The following TAFA1 variants were observed in gnomAD, a reference collection of about 807,000 sequenced individuals.
TAFA1 encodes TAFA chemokine like family member 1.
Under a neutral mutation model 18.5 loss-of-function variants are expected in TAFA1, and 4 were observed. The observed-to-expected ratio is 0.22, with a 90% CI of 0.11 to 0.49. TAFA1 has a LOEUF of 0.49. TAFA1 is among the 20% of genes least tolerant of loss of function. The pLI, the probability that TAFA1 is intolerant of heterozygous loss-of-function variation, is 0.98. For missense variants in TAFA1, 147 were observed against 169.0 expected, an observed-to-expected ratio of 0.87 and a Z score of 0.72; for synonymous variants, 56 against 55.2, an observed-to-expected ratio of 1.01 and a Z score of -0.06.
intron 3 of TAFA1, among the ~76,000 whole-genome samples, chr3:68,509,827 C>G (rs2106726749): frequency 6.6e-6 from 1 of 152,172 alleles, no homozygotes; most frequent in Non-Finnish European, 1.5e-5. Flanking sequence ...ATGGGAAATG[C>G]CTCACAGGGA....
chr3:68,466,171 C>T (rs2071881714), intron 3 of TAFA1, among the ~76,000 whole-genome samples: 2 of 152,070 alleles, frequency 1.3e-5, no homozygotes, highest in Non-Finnish European at 2.9e-5. Flanking sequence ...GCATACTTCA[C>T]TTCTCGGTAA....
At chr3:68,264,724 G>T (rs1277829512) in intron 2 of TAFA1, among the ~76,000 whole-genome samples, 2 of 147,656 alleles carry the variant, frequency 1.4e-5, no homozygotes, top group East Asian at 1.9e-4. Context: ...TTTCTATAAA[G>T]AAATTTATAT....
At chr3:68,338,637 T>G (rs1422884892) in intron 2 of TAFA1, among the ~76,000 whole-genome samples, 1 of 152,202 alleles carries the variant, frequency 6.6e-6, no homozygotes, top group Non-Finnish European at 1.5e-5. Flanking sequence ...GGTTTGAAAT[T>G]ATTGAGCCAG....
chr3:68,498,722 CTTTTTTTTTTTTTTTTTTT>C (rs34030223), intron 3 of TAFA1, among the ~76,000 whole-genome samples: 6 of 97,032 alleles, frequency 6.2e-5, no homozygotes, highest in Non-Finnish European at 9.8e-5. Context: ...CGTTTGGTGG[CTTTTTTTTTTTTTTTTTTT>C]TTTTTTTTTT....
chr3:68,454,857 A>AT (rs1297839136), intron 3 of TAFA1, among the ~76,000 whole-genome samples: 3 of 152,028 alleles, frequency 2.0e-5, no homozygotes, highest in Admixed American at 1.3e-4. Flanking sequence ...ATTTGTTTTC[A>AT]TTTTTTTAAT....
chr3:68,426,988 A>T (rs78163661), intron 3 of TAFA1, among the ~76,000 whole-genome samples: 2,664 of 151,972 alleles, frequency 0.018, 86 homozygotes, highest in African/African-American at 0.061. Context: ...AAGCCCATCT[A>T]TATAGCCACT....
chr3:68,078,013 A>C (rs1457243519), intron 2 of TAFA1, among the ~76,000 whole-genome samples: 1 of 152,010 alleles, frequency 6.6e-6, no homozygotes, highest in East Asian at 1.9e-4. Context: ...TTCTCCTTGA[A>C]GAGGTCCTTC....
chr3:68,470,144 GT>G (rs1007104972), intron 3 of TAFA1, among the ~76,000 whole-genome samples: 6 of 152,168 alleles, frequency 3.9e-5, no homozygotes, highest in African/African-American at 1.4e-4. Context: ...ATAAAGGGAA[GT>G]TTTCCTGCAC....
intron 3 of TAFA1, among the ~76,000 whole-genome samples, chr3:68,447,126 A>G (rs2071483804): frequency 6.6e-6 from 1 of 152,194 alleles, no homozygotes; most frequent in Non-Finnish European, 1.5e-5. Flanking sequence ...GGTAAAGAAA[A>G]GTGAGCTAGC....
intron 2 of TAFA1, among the ~76,000 whole-genome samples, chr3:68,145,868 C>T (rs912410003): frequency 8.5e-5 from 13 of 152,128 alleles, no homozygotes; most frequent in African/African-American, 2.4e-4. Flanking sequence ...ACAAAATTGA[C>T]GTAAAAAGCC....
At chr3:68,026,349 A>C (rs1704816722) in intron 2 of TAFA1, among the ~76,000 whole-genome samples, 1 of 151,948 alleles carries the variant, frequency 6.6e-6, no homozygotes, top group Non-Finnish European at 1.5e-5. Flanking sequence ...TTCCATCCCC[A>C]CCGAGAGGGT....
intron 2 of TAFA1, among the ~76,000 whole-genome samples, chr3:68,398,767 C>T (rs1258546182): frequency 6.6e-6 from 1 of 152,166 alleles, no homozygotes; most frequent in East Asian, 1.9e-4. Context: ...ATATTCTGCT[C>T]TTCAGATTAT....
intron 3 of TAFA1, among the ~76,000 whole-genome samples, chr3:68,502,440 T>C (rs1240561690): frequency 6.6e-6 from 1 of 152,138 alleles, no homozygotes; most frequent in Non-Finnish European, 1.5e-5. Context: ...ATTAATATCC[T>C]AATTATTTCA....
intron 2 of TAFA1, among the ~76,000 whole-genome samples, chr3:68,232,648 C>T (rs1038457117): frequency 1.4e-4 from 22 of 151,890 alleles, no homozygotes; most frequent in African/African-American, 3.6e-4. Context: ...CTATGTCACC[C>T]GGGCTGGAGT....
chr3:68,061,951 T>C (rs1313217336), intron 2 of TAFA1, among the ~76,000 whole-genome samples: 1 of 152,144 alleles, frequency 6.6e-6, no homozygotes, highest in Non-Finnish European at 1.5e-5. Flanking sequence ...AATGTAGAAG[T>C]GATACCTCAA....
chr3:68,343,939 G>C (rs991840063), intron 2 of TAFA1, among the ~76,000 whole-genome samples: 6 of 152,172 alleles, frequency 3.9e-5, no homozygotes, highest in Non-Finnish European at 8.8e-5. Context: ...TGCCTCCTGG[G>C]TTCAAGCGAT....
At chr3:68,191,535 G>C (rs539365297) in intron 2 of TAFA1, among the ~76,000 whole-genome samples, 1 of 151,886 alleles carries the variant, frequency 6.6e-6, no homozygotes, top group South Asian at 2.1e-4. Context: ...TTTGGCTTTA[G>C]TACATACCTG....
At chr3:68,324,367 C>T (rs999599213) in intron 2 of TAFA1, among the ~76,000 whole-genome samples, 124 of 152,148 alleles carry the variant, frequency 8.1e-4, no homozygotes, top group African/African-American at 2.9e-3. Context: ...TCTCATAATA[C>T]AAAATATGTT....
chr3:68,049,543 G>C (rs1206531504), intron 2 of TAFA1, among the ~76,000 whole-genome samples: 1 of 152,012 alleles, frequency 6.6e-6, no homozygotes, highest in Non-Finnish European at 1.5e-5. Context: ...CTCAGTAATG[G>C]AACCTGGACA....
Sources: allele counts gnomAD v4.1 joint callset (sites outside exome capture counted in the v4.1 genomes callset), GRCh38; gene constraint gnomAD v4.1.1; transcripts MANE v1.5; gene names NCBI Gene and HGNC (gene_info 2026-07-23, HGNC 2026-07-21).